The following NEDD4L variants were observed in gnomAD, a reference collection of about 807,000 sequenced individuals.
The protein encoded by NEDD4L is E3 ubiquitin-protein ligase NEDD4-like.
Under a neutral mutation model 148.9 loss-of-function variants are expected in NEDD4L, and 54 were observed. The ratio of observed to expected loss-of-function variants is 0.36; its 90% CI spans 0.29 to 0.45. The LOEUF is 0.45. NEDD4L is among the 20% of genes least tolerant of loss of function. The pLI is 1.00. For synonymous variants in NEDD4L, 433 were observed against 440.7 expected (o/e 0.98, Z 0.22); for missense variants, 856 against 1,233.8 (o/e 0.69, Z 4.59).
At chr18:58,360,092 G>T (rs1010062105) in intron 19 of NEDD4L, 2 of 152,148 alleles carry the variant, frequency 1.3e-5, no homozygotes, top group African/African-American at 4.8e-5. Context: ...TTTCTGTGTA[G>T]GTAAATGGCT....
intron 1 of NEDD4L, among the ~76,000 whole-genome samples, chr18:58,159,936 G>A (rs144457067): frequency 1.9e-3 from 297 of 152,312 alleles, no homozygotes; most frequent in African/African-American, 6.3e-3. Context: ...GCTGGTGTAC[G>A]TGATCCTGGG....
At chr18:58,322,038 T>G (rs572487823) in intron 6 of NEDD4L, among the ~76,000 whole-genome samples, 1 of 152,360 alleles carries the variant, frequency 6.6e-6, no homozygotes, top group East Asian at 1.9e-4. Flanking sequence ...GATTAAATCT[T>G]GTATATTCTT....
intron 2 of NEDD4L, among the ~76,000 whole-genome samples, chr18:58,212,507 G>A (rs974617685): frequency 5.9e-5 from 9 of 152,118 alleles, no homozygotes; most frequent in African/African-American, 2.2e-4. Flanking sequence ...TCATGAGAAC[G>A]GCATGGGAAA....
chr18:58,053,188 G>A (rs550475071), intron 1 of NEDD4L, among the ~76,000 whole-genome samples: 16 of 152,248 alleles, frequency 1.1e-4, no homozygotes, highest in Admixed American at 6.5e-5. Flanking sequence ...GAGTGGCTCC[G>A]GCATGTTTCC....
chr18:58,370,482 G>A lies in NEDD4L; in HGVS notation c.2256+15G>A, dbSNP rs372184576. On this transcript the variant is annotated intron_variant, in intron 23 of 30. Coordinates refer to ENST00000400345, the MANE Select transcript of NEDD4L (RefSeq NM_001144967.3). Reference sequence around the variant, plus strand: ...TGGAATCTGTGGTAAGTAAATGCACGTCACACACTGGCCATCACCGGGCAC... The same window carrying A: ...TGGAATCTGTGGTAAGTAAATGCACATCACACACTGGCCATCACCGGGCAC... 116 of 1,544,962 alleles carry A rather than the reference G, an allele frequency of 7.5e-5. 1 individual carries two copies. The highest frequency in any genetic ancestry group is 9.8e-5 in the Non-Finnish European group (110 of 1,117,038).
chr18:58,082,100 A>G (rs201458621), intron 1 of NEDD4L, among the ~76,000 whole-genome samples: 2 of 72,308 alleles, frequency 2.8e-5, no homozygotes, highest in African/African-American at 8.6e-5. Flanking sequence ...ATATATATAT[A>G]TATTTTTTTT....
In NEDD4L at chr18:58,115,979, G is replaced by A. The variant is rs189073576; in HGVS notation, c.49-49809G>A. Reference sequence around the variant, plus strand: ...TGATGTTATTGGAGGAGCAAGGCGTGTTTAGGCCTGATGATTTTTGGATAG... The same window carrying A: ...TGATGTTATTGGAGGAGCAAGGCGTATTTAGGCCTGATGATTTTTGGATAG... On this transcript the variant is annotated intron_variant, in intron 1 of 30. Transcript: ENST00000400345. Among the ~76,000 whole-genome samples, 944 of 152,316 alleles carry A rather than the reference G, an allele frequency of 6.2e-3. 6 individuals carry two copies. The highest frequency in any genetic ancestry group is 8.4e-3 in the Non-Finnish European group (569 of 68,032).
chr18:58,165,444 G>T (rs1225524421), intron 1 of NEDD4L, among the ~76,000 whole-genome samples: 3 of 152,178 alleles, frequency 2.0e-5, no homozygotes, highest in Non-Finnish European at 4.4e-5. Context: ...CAAACTTGTG[G>T]CACTTGGACA....
At chr18:58,323,377 T>A in intron 8 of NEDD4L, 43 bp downstream of exon 8, 1 of 1,005,418 alleles carries the variant, frequency 9.9e-7, no homozygotes, top group Non-Finnish European at 1.5e-6. Flanking sequence ...CTTGAGATCA[T>A]ATTCATGTTT....
intron 1 of NEDD4L, among the ~76,000 whole-genome samples, chr18:58,105,217 G>T (rs1490447396): frequency 6.6e-6 from 1 of 152,186 alleles, no homozygotes; most frequent in Non-Finnish European, 1.5e-5. Flanking sequence ...AGAGCGCTAG[G>T]ACTGAAGGTA....
intron 5 of NEDD4L, among the ~76,000 whole-genome samples, chr18:58,272,486 A>C (rs1221796260): frequency 1.3e-5 from 2 of 152,028 alleles, no homozygotes; most frequent in Admixed American, 1.3e-4. Context: ...AAAATGCACA[A>C]ATTGGCCGGT....
chr18:58,336,340 G>A (rs1330822705), intron 13 of NEDD4L, among the ~76,000 whole-genome samples: 1 of 152,196 alleles, frequency 6.6e-6, no homozygotes, highest in East Asian at 1.9e-4. Context: ...CACCTTGGGA[G>A]GCTGAGGCAG....
At chr18:58,331,964 C>T (rs907304326) in intron 11 of NEDD4L, among the ~76,000 whole-genome samples, 8 of 152,010 alleles carry the variant, frequency 5.3e-5, no homozygotes, top group Admixed American at 4.6e-4. Flanking sequence ...AGAGATGTGT[C>T]GCCAAGATGA....
At position 58,398,444 on chromosome 18, in the gene NEDD4L, T is replaced by C. The variant is rs1377460792; in HGVS notation, c.*2175T>C. The C allele has an allele frequency of 6.6e-6, 1 of 152,046 alleles. No homozygotes were observed. The highest frequency in any genetic ancestry group is 1.5e-5 in the Non-Finnish European group (1 of 68,002). 9.4% of individuals were successfully genotyped at this position (152,046 alleles called of 1,614,324 possible). On this transcript the variant is annotated 3_prime_UTR_variant, in exon 31 of 31. Transcript: ENST00000400345. ...GATTCTTCTGTCATCTTGTAAACCG[T>C]ATATTGAAAAAAACAGAATGTCACT...
At chr18:58,225,656 C>T (rs1004658581) in intron 2 of NEDD4L, among the ~76,000 whole-genome samples, 1 of 152,132 alleles carries the variant, frequency 6.6e-6, no homozygotes, top group African/African-American at 2.4e-5. Context: ...GTACCAAGCC[C>T]ATCAGGGACC....
At chr18:58,216,413 G>A (rs1433095912) in intron 2 of NEDD4L, among the ~76,000 whole-genome samples, 4 of 152,180 alleles carry the variant, frequency 2.6e-5, no homozygotes, top group African/African-American at 7.2e-5. Flanking sequence ...GAGTGGCTTG[G>A]TGTGATTTAT....
chr18:58,092,136 G>T (rs1169570016), intron 1 of NEDD4L, among the ~76,000 whole-genome samples: 1 of 152,258 alleles, frequency 6.6e-6, no homozygotes, highest in African/African-American at 2.4e-5. Flanking sequence ...ATGGCAGGGG[G>T]CAGAAGTCAG....
At chr18:58,227,295 A>G (rs1474074127) in intron 2 of NEDD4L, among the ~76,000 whole-genome samples, 1 of 152,168 alleles carries the variant, frequency 6.6e-6, no homozygotes, top group Non-Finnish European at 1.5e-5. Context: ...TGTTGAATGA[A>G]GAAATGGGAG....
intron 5 of NEDD4L, among the ~76,000 whole-genome samples, chr18:58,290,611 G>A (rs2054581846): frequency 6.6e-6 from 1 of 152,116 alleles, no homozygotes; most frequent in Non-Finnish European, 1.5e-5. Context: ...GAAATGATGT[G>A]TGAGAAAAGA....
Sources: allele counts gnomAD v4.1 joint callset (sites outside exome capture counted in the v4.1 genomes callset), GRCh38; gene constraint gnomAD v4.1.1; transcripts MANE v1.5; gene names NCBI Gene and HGNC (gene_info 2026-07-23, HGNC 2026-07-21).